Variants in GPR19 observed in about 807,000 individuals in gnomAD.
GPR19 encodes G protein-coupled receptor 19, also known as probable G protein-coupled receptor 19.
In GPR19, 14 loss-of-function variants were observed where a neutral mutation model predicts 28.5. The ratio of observed to expected loss-of-function variants is 0.49; its 90% CI spans 0.32 to 0.77. The LOEUF is 0.77. Among genes scored for constraint, GPR19 ranks in the 30% least tolerant of loss-of-function variants. The probability of loss-of-function intolerance (pLI) is 0.03; values close to 1 mark genes in which losing one functional copy is unlikely to be tolerated. For missense variants in GPR19, 409 were observed against 504.1 expected (o/e 0.81, Z 1.81); for synonymous variants, 173 against 184.1 (o/e 0.94, Z 0.49).
chr12:12,710,834 C>T, the GPR19 span, among the ~76,000 whole-genome samples: 2 of 152,168 alleles, frequency 1.3e-5, no homozygotes, highest in Non-Finnish European at 2.9e-5. Context: ...AGCCACTGTG[C>T]CTGGCCTTCT....
At chr12:12,671,684 T>C (rs73067523) in intron 3 of GPR19, among the ~76,000 whole-genome samples, 4,527 of 152,288 alleles carry the variant, frequency 0.03, 101 homozygotes, top group Non-Finnish European at 0.045. Context: ...ACCATGAACA[T>C]TCCTGGCTCA....
At chr12:12,670,487 T>C (rs10772590) in intron 3 of GPR19, among the ~76,000 whole-genome samples, 125,088 of 152,096 alleles carry the variant, frequency 0.82, 52,319 homozygotes, top group Non-Finnish European at 0.91. Flanking sequence ...GCTCCAGTTT[T>C]CTTCTGTAAA....
At chr12:12,665,560 C>T (rs990302215) in intron 3 of GPR19, among the ~76,000 whole-genome samples, 2 of 152,092 alleles carry the variant, frequency 1.3e-5, no homozygotes, top group African/African-American at 4.8e-5. Context: ...AAAGATCGGC[C>T]GAGCGCGGTG....
rs200950075 is a variant in GPR19, at chr12:12,662,396, G to A, written c.53C>T (p.Thr18Ile). Reference sequence around the variant, plus strand: ...GCGGTTTTGGAGGGGCACCAGAAGTGTAGGAATAATCAAATGTGGCTTGCT... The same window carrying A: ...GCGGTTTTGGAGGGGCACCAGAAGTATAGGAATAATCAAATGTGGCTTGCT... ...DNSKPHLIIP[T>I]LLVPLQNRSC... is the part of the protein sequence containing the mutation. Residue 18 changes from threonine (T) to isoleucine (I), a missense_variant, in exon 4 of 4, where the codon ACA becomes ATA. Physicochemically the swap from Thr to Ile is moderately conservative, Grantham distance 89 (BLOSUM62 -1). Transcript: ENST00000651487. The A allele has an allele frequency of 1.2e-6, 2 of 1,614,204 alleles. No homozygotes were observed. The highest frequency in any genetic ancestry group is 1.7e-5 in the Admixed American group (1 of 60,028).
At chr12:12,685,820 C>T (rs770437150) in intron 2 of GPR19, among the ~76,000 whole-genome samples, 2 of 152,164 alleles carry the variant, frequency 1.3e-5, no homozygotes, top group Non-Finnish European at 2.9e-5. Flanking sequence ...GTGGAAAGAA[C>T]TCAAGAAATC....
intron 3 of GPR19, among the ~76,000 whole-genome samples, chr12:12,670,429 C>T (rs1325614027): frequency 1.3e-5 from 2 of 152,198 alleles, no homozygotes; most frequent in Non-Finnish European, 2.9e-5. Context: ...ATTCCTGTCA[C>T]TCACTCACTA....
In GPR19 at chr12:12,682,578, A is replaced by C. The variant is rs77260198; in HGVS notation, c.-23+1773T>G. ...CTCAAGAAGCTCACTTCATGTGACT[A>C]TAATAGCATCAAAGTGTTACTTGTT... On this transcript the variant is annotated intron_variant, in intron 3 of 3. Coordinates refer to ENST00000651487, the MANE Select transcript of GPR19 (RefSeq NM_006143.3). Among the ~76,000 whole-genome samples the C allele has an allele frequency of 2.4e-4, 37 of 152,352 alleles. No individual in the cohort carries two copies. In the East Asian group the frequency reaches 5.8e-3, roughly 24 times the overall value.
At chr12:12,664,533 C>A (rs1413834183) in intron 3 of GPR19, among the ~76,000 whole-genome samples, 1 of 151,844 alleles carries the variant, frequency 6.6e-6, no homozygotes, top group Non-Finnish European at 1.5e-5. Flanking sequence ...ACACAGAAAG[C>A]AAAAATAATT....
chr12:12,700,477 C>T (rs1253978234), upstream of GPR19, among the ~76,000 whole-genome samples: 3 of 152,056 alleles, frequency 2.0e-5, no homozygotes, highest in Non-Finnish European at 4.4e-5. Flanking sequence ...CCTTTAGCTT[C>T]AAGGGAGGCT....
At chr12:12,716,750 C>A in the GPR19 span, 2 of 985,194 alleles carry the variant, frequency 2.0e-6, no homozygotes, top group Non-Finnish European at 2.4e-6. Context: ...GGCCCCCAGC[C>A]TCCCCAGGGA....
intron 2 of GPR19, among the ~76,000 whole-genome samples, chr12:12,693,525 A>G (rs115605455): frequency 1.9e-3 from 296 of 152,296 alleles, no homozygotes; most frequent in African/African-American, 7.0e-3. Flanking sequence ...AGCTTGGGAG[A>G]CTGACACTCT....
chr12:12,667,065 A>G (rs117896501), intron 3 of GPR19, among the ~76,000 whole-genome samples: 1 of 151,840 alleles, frequency 6.6e-6, no homozygotes, highest in East Asian at 1.9e-4. Context: ...TGCTCCATTA[A>G]TTTAGATAAA....
chr12:12,693,304 C>T (rs955690271), intron 2 of GPR19, among the ~76,000 whole-genome samples: 15 of 152,204 alleles, frequency 9.9e-5, no homozygotes, highest in Non-Finnish European at 2.2e-4. Flanking sequence ...CCCTGCTGCA[C>T]ATGCATTCCC....
chr12:12,717,106 T>TA, the GPR19 span: 1 of 1,007,576 alleles, frequency 9.9e-7, no homozygotes, highest in Non-Finnish European at 1.2e-6. Flanking sequence ...GCCGTTTGGC[T>TA]AGTTTGTTTG....
At chr12:12,714,851 G>A in the GPR19 span, among the ~76,000 whole-genome samples, 29 of 152,262 alleles carry the variant, frequency 1.9e-4, 1 homozygote, top group South Asian at 5.6e-3. Context: ...GATCTCCGGT[G>A]CCTTGACTGT....
At chr12:12,709,667 A>G in the GPR19 span, among the ~76,000 whole-genome samples, 2 of 152,130 alleles carry the variant, frequency 1.3e-5, no homozygotes, top group Non-Finnish European at 2.9e-5. Context: ...CTTGAACTCT[A>G]GGATCAAGCA....
At chr12:12,686,182 C>T (rs1946095395) in intron 2 of GPR19, among the ~76,000 whole-genome samples, 1 of 152,170 alleles carries the variant, frequency 6.6e-6, no homozygotes, top group Non-Finnish European at 1.5e-5. Context: ...CGAATGCTGA[C>T]TTGCAATGTG....
upstream of GPR19, among the ~76,000 whole-genome samples, chr12:12,697,175 A>AAAAAAAAAAAAAC (rs1946278938): frequency 6.7e-6 from 1 of 149,928 alleles, no homozygotes; most frequent in African/African-American, 2.5e-5. Context: ...AAAAAAAAAA[A>AAAAAAAAAAAAAC]AAGCAGCCAT....
At chr12:12,713,110 G>A in the GPR19 span, among the ~76,000 whole-genome samples, 1 of 147,618 alleles carries the variant, frequency 6.8e-6, no homozygotes, top group Non-Finnish European at 1.5e-5. Flanking sequence ...TCTCTCCCGG[G>A]CTGGAGTGCA....
Sources: gnomAD v4.1 joint callset for allele counts (sites outside exome capture counted in the v4.1 genomes callset) on GRCh38, gnomAD v4.1.1 for gene constraint, MANE v1.5 for transcripts, NCBI Gene and HGNC (gene_info 2026-07-23, HGNC 2026-07-21) for gene names.